Variants in ZCWPW2 observed in about 807,000 individuals in gnomAD.
The protein encoded by ZCWPW2 is zinc finger CW-type and PWWP domain containing 2.
A neutral mutation model predicts 46.6 loss-of-function variants in ZCWPW2; 45 were observed. The observed-to-expected ratio is 0.96, with a 90% confidence interval of 0.76 to 1.24. The LOEUF is 1.24. Among genes scored for constraint, ZCWPW2 ranks in the 50% most tolerant of loss-of-function variants. The pLI is 0.00. For missense variants in ZCWPW2, 429 were observed against 403.9 expected (o/e 1.06, Z -0.53); for synonymous variants, 152 against 137.1 (o/e 1.11, Z -0.76).
chr3:28,349,631 C>G (rs2125681253), intron 1 of ZCWPW2, among the ~76,000 whole-genome samples: 1 of 152,226 alleles, frequency 6.6e-6, no homozygotes, highest in African/African-American at 2.4e-5. Context: ...ATAGACCGTC[C>G]CTAGCTGTGG....
chr3:28,497,029 G>A (rs1700008499), intron 6 of ZCWPW2, among the ~76,000 whole-genome samples: 1 of 148,674 alleles, frequency 6.7e-6, no homozygotes, highest in African/African-American at 2.5e-5. Context: ...GTAATACAGG[G>A]TATTTATATA....
chr3:28,420,503 A>G (rs1368585551), intron 3 of ZCWPW2, among the ~76,000 whole-genome samples: 1 of 149,770 alleles, frequency 6.7e-6, no homozygotes, highest in African/African-American at 2.5e-5. Flanking sequence ...TCCCTTCTAC[A>G]TGTCCATGTG....
At chr3:28,435,730 C>A (rs1266285681) in intron 4 of ZCWPW2, among the ~76,000 whole-genome samples, 2 of 152,010 alleles carry the variant, frequency 1.3e-5, no homozygotes, top group Non-Finnish European at 2.9e-5. Context: ...TTGTGATCAG[C>A]CCGCCCCGGC....
At chr3:28,458,834 G>A (rs73822639) in intron 4 of ZCWPW2, among the ~76,000 whole-genome samples, 3,999 of 152,202 alleles carry the variant, frequency 0.026, 154 homozygotes, top group African/African-American at 0.085. Flanking sequence ...AGGTCTTTTC[G>A]TCATGCTTAG....
intron 3 of ZCWPW2, among the ~76,000 whole-genome samples, chr3:28,425,634 A>G (rs1169814776): frequency 6.6e-6 from 1 of 152,224 alleles, no homozygotes; most frequent in African/African-American, 2.4e-5. Context: ...GACTCTCTGT[A>G]ATAAAGCTAA....
At chr3:28,504,591 C>T (rs1700228967) in intron 6 of ZCWPW2, among the ~76,000 whole-genome samples, 1 of 152,168 alleles carries the variant, frequency 6.6e-6, no homozygotes, top group Admixed American at 6.5e-5. Flanking sequence ...TTCTCTGCAT[C>T]AGCTTTTTAG....
chr3:28,395,948 T>G lies in ZCWPW2; in HGVS notation c.-14+5331T>G, dbSNP rs186043803. 2.8e-4 allele frequency among the ~76,000 whole-genome samples: 42 copies of G among 152,272 alleles called. No homozygotes were observed. The East Asian group carries it at 6.2e-3, about 22-fold the overall frequency. ...AAGGTGATTGGTTTATTAACTTGAT[T>G]GTGGTAAGTATTTTGCAATGTATCT... On this transcript the variant is annotated intron_variant, in intron 2 of 9. Coordinates refer to ENST00000383768, the MANE Select transcript of ZCWPW2 (RefSeq NM_001040432.4).
intron 1 of ZCWPW2, among the ~76,000 whole-genome samples, chr3:28,372,479 A>G (rs556272000): frequency 6.6e-6 from 1 of 152,272 alleles, no homozygotes; most frequent in African/African-American, 2.4e-5. Context: ...TTTTTCTTCA[A>G]TTAGAAAGGT....
intron 2 of ZCWPW2, among the ~76,000 whole-genome samples, chr3:28,391,205 C>T (rs1403248195): frequency 6.6e-6 from 1 of 152,144 alleles, no homozygotes; most frequent in Non-Finnish European, 1.5e-5. Context: ...GACTTAATGA[C>T]ACAGTTGTGA....
intron 6 of ZCWPW2, among the ~76,000 whole-genome samples, chr3:28,506,917 T>C (rs73823983): frequency 0.029 from 4,439 of 152,242 alleles, 193 homozygotes; most frequent in African/African-American, 0.095. Context: ...TGAAATGTTA[T>C]TTAATCTTCC....
intron 3 of ZCWPW2, among the ~76,000 whole-genome samples, chr3:28,427,396 C>T (rs1697061357): frequency 6.6e-6 from 1 of 152,160 alleles, no homozygotes; most frequent in Non-Finnish European, 1.5e-5. Flanking sequence ...CATCTATTGT[C>T]TCTGCTCAGC....
intron 9 of ZCWPW2, 152 bp from the exon 10 acceptor site, chr3:28,524,375 C>A: frequency 1.5e-6 from 1 of 657,266 alleles, no homozygotes; most frequent in Non-Finnish European, 2.5e-6. Flanking sequence ...ATTCATCCTG[C>A]ATTATACTAT....
At chr3:28,511,818 G>C (rs1357556002) in intron 6 of ZCWPW2, among the ~76,000 whole-genome samples, 6 of 151,676 alleles carry the variant, frequency 4.0e-5, no homozygotes, top group African/African-American at 9.7e-5. Context: ...ACTTCTTTTT[G>C]ATTTTTCTAG....
intron 4 of ZCWPW2, among the ~76,000 whole-genome samples, chr3:28,447,334 G>A (rs1156360148): frequency 6.6e-6 from 1 of 152,016 alleles, no homozygotes; most frequent in Non-Finnish European, 1.5e-5. Flanking sequence ...ATCTTGGAAT[G>A]TAAGAATAGT....
At chr3:28,371,884 T>G (rs1705344877) in intron 1 of ZCWPW2, among the ~76,000 whole-genome samples, 1 of 151,990 alleles carries the variant, frequency 6.6e-6, no homozygotes. Flanking sequence ...AGGGAGAGTC[T>G]TTGCCAGTTT....
At chr3:28,476,016 T>C (rs1196338469) in intron 4 of ZCWPW2, among the ~76,000 whole-genome samples, 9 of 152,112 alleles carry the variant, frequency 5.9e-5, no homozygotes, top group Non-Finnish European at 1.3e-4. Flanking sequence ...CTGGAATATG[T>C]TGAATCAATA....
intron 3 of ZCWPW2, among the ~76,000 whole-genome samples, chr3:28,426,569 G>A (rs966700450): frequency 2.0e-5 from 3 of 151,990 alleles, no homozygotes; most frequent in Non-Finnish European, 4.4e-5. Context: ...GATTTCTACT[G>A]GATCCTTTCA....
chr3:28,466,532 C>T (rs1575167799), intron 4 of ZCWPW2, among the ~76,000 whole-genome samples: 1 of 152,196 alleles, frequency 6.6e-6, no homozygotes, highest in African/African-American at 2.4e-5. Flanking sequence ...GCTGTGGTGG[C>T]TCATGCCTGT....
intron 4 of ZCWPW2, among the ~76,000 whole-genome samples, chr3:28,454,524 C>T (rs535592263): frequency 7.2e-4 from 109 of 152,180 alleles, no homozygotes; most frequent in African/African-American, 2.4e-3. Flanking sequence ...AGGATGTGCA[C>T]GTTTGTTACA....
Sources: gnomAD v4.1 joint callset for allele counts (sites outside exome capture counted in the v4.1 genomes callset) on GRCh38, gnomAD v4.1.1 for gene constraint, MANE v1.5 for transcripts, NCBI Gene and HGNC (gene_info 2026-07-23, HGNC 2026-07-21) for gene names.